The following KLC1 variants were observed in gnomAD, a reference collection of about 807,000 sequenced individuals.
KLC1 encodes the protein kinesin light chain 1.
Under a neutral mutation model 84.2 loss-of-function variants are expected in KLC1, and 30 were observed. That is an observed-to-expected ratio of 0.36 (90% CI 0.27 to 0.48). The LOEUF is 0.48. Among genes scored for constraint, KLC1 ranks in the 20% least tolerant of loss-of-function variants. The probability of loss-of-function intolerance (pLI) is 0.99; values close to 1 mark genes in which losing one functional copy is unlikely to be tolerated. For synonymous variants in KLC1, 289 were observed against 293.3 expected (o/e 0.99, Z 0.15); for missense variants, 499 against 805.4 (o/e 0.62, Z 4.60).
intron 15 of KLC1, chr14:103,696,979 G>A (rs754781572): frequency 2.2e-5 from 22 of 985,366 alleles, no homozygotes; most frequent in Non-Finnish European, 2.7e-5. Context: ...CCAGGGGCAG[G>A]AACTGAGCCA....
intron 15 of KLC1, chr14:103,699,218 G>C (rs778626661): frequency 4.5e-6 from 7 of 1,546,096 alleles, no homozygotes; most frequent in Middle Eastern, 1.7e-4. Flanking sequence ...AACGGCTGAG[G>C]GTCTTCTCGA....
In KLC1 at chr14:103,693,695, G is replaced by A. The variant is rs536356021; in HGVS notation, c.1848+1270G>A. On this transcript the variant is annotated intron_variant, in intron 15 of 16. Transcript: ENST00000334553. The surrounding 1 kb of genome is among the most constrained non-coding windows in gnomAD (Gnocchi z 5.1). The stretch of plus-strand genomic sequence containing the variant: ...TGCCACGCCCCTCACCGCCCTGCCC[G>A]GAGGCGCCAGCCGCACTCCTTGGCT... 8.3e-5 allele frequency: 125 copies of A among 1,508,986 alleles called. No individual in the cohort carries two copies. The African/African-American group carries it at 1.5e-3, about 18-fold the overall frequency. 93.5% of individuals were successfully genotyped at this position (1,508,986 alleles called of 1,614,324 possible). A position where few individuals can be genotyped will look rare whatever the true frequency, so the allele number is the denominator to read the frequency against.
At chr14:103,648,947 G>T (rs1469460779) in intron 1 of KLC1, among the ~76,000 whole-genome samples, 1 of 152,128 alleles carries the variant, frequency 6.6e-6, no homozygotes, top group Non-Finnish European at 1.5e-5. Flanking sequence ...GACCAGCCTG[G>T]GCAACATGGC....
intron 15 of KLC1, chr14:103,697,227 C>A: frequency 1.8e-6 from 1 of 569,306 alleles, no homozygotes; most frequent in Non-Finnish European, 2.2e-6. Flanking sequence ...ATGTTCATGC[C>A]AGTGATTCTT....
At chr14:103,697,390 G>A (rs1020283269) in intron 15 of KLC1, among the ~76,000 whole-genome samples, 4 of 151,854 alleles carry the variant, frequency 2.6e-5, no homozygotes, top group Admixed American at 2.6e-4. Context: ...TCCCACTGTA[G>A]GAGCACCCAC....
intron 13 of KLC1, 88 bp downstream of exon 13, chr14:103,679,633 C>T: frequency 6.4e-6 from 6 of 940,354 alleles, no homozygotes; most frequent in Non-Finnish European, 9.9e-6. Flanking sequence ...TGTGCTAGAC[C>T]TTCTGCTTTT....
At position 103,687,168 on chromosome 14, in the gene KLC1, C is replaced by T; in HGVS notation, c.1738C>T (p.Leu580=). 1 of 1,548,948 alleles carries T rather than the reference C, an allele frequency of 6.5e-7. No homozygotes were observed. The highest frequency in any genetic ancestry group is 8.7e-7 in the Non-Finnish European group (1 of 1,145,100). ...CAGCAGTGAGAAGCTGGTTAGGAAG[C>T]TGAAGGGAGGAAGTTCACGAGAGAG... is the stretch of plus-strand genomic sequence containing the variant. ...RRSSEKLVRK[L]KGGSSRESEP... is the part of the protein sequence containing the mutation. Residue 580 remains leucine (L), a synonymous_variant, in exon 14 of 17, where the codon CTG becomes TTG. Coordinates refer to ENST00000334553, the MANE Select transcript of KLC1 (RefSeq NM_001394837.1).
chr14:103,644,333 C>T (rs2077731083), intron 1 of KLC1, among the ~76,000 whole-genome samples: 1 of 150,450 alleles, frequency 6.6e-6, no homozygotes, highest in Non-Finnish European at 1.5e-5. Context: ...GATCTCGGCT[C>T]ACTGCAACCT....
At chr14:103,677,008 G>A (rs781358499) in intron 11 of KLC1, among the ~76,000 whole-genome samples, 3 of 152,190 alleles carry the variant, frequency 2.0e-5, no homozygotes, top group Non-Finnish European at 4.4e-5. Flanking sequence ...TACTTGAGGG[G>A]AGACGGCAGC....
intron 1 of KLC1, among the ~76,000 whole-genome samples, chr14:103,645,554 C>T (rs887543671): frequency 6.6e-6 from 1 of 152,082 alleles, no homozygotes; most frequent in African/African-American, 2.4e-5. Flanking sequence ...TAAGTGATTT[C>T]GTTGTGGGGG....
intron 13 of KLC1, among the ~76,000 whole-genome samples, chr14:103,684,425 A>T (rs962650481): frequency 2.0e-5 from 3 of 152,222 alleles, no homozygotes; most frequent in Non-Finnish European, 2.9e-5. Flanking sequence ...CCTGAAGTCC[A>T]GTTGAATGGA....
At chr14:103,642,677 A>G (rs992484328) in intron 1 of KLC1, among the ~76,000 whole-genome samples, 1 of 152,168 alleles carries the variant, frequency 6.6e-6, no homozygotes, top group Non-Finnish European at 1.5e-5. Flanking sequence ...AACATGAAGA[A>G]GGGACACAGG....
intron 14 of KLC1, chr14:103,687,991 A>C (rs2081887745): frequency 6.6e-6 from 1 of 152,224 alleles, no homozygotes; most frequent in South Asian, 2.1e-4. Context: ...CCGACTTTTT[A>C]GAGACTGATT....
intron 5 of KLC1, among the ~76,000 whole-genome samples, chr14:103,664,523 G>T (rs2079579028): frequency 1.3e-5 from 2 of 151,950 alleles, no homozygotes; most frequent in Non-Finnish European, 1.5e-5. Context: ...ATTAGATTGA[G>T]ACATTTCATT....
intron 12 of KLC1, among the ~76,000 whole-genome samples, chr14:103,679,147 A>C (rs2081156441): frequency 6.6e-6 from 1 of 152,104 alleles, no homozygotes; most frequent in African/African-American, 2.4e-5. Context: ...GAATAGTTGA[A>C]CACGGGTACA....
At chr14:103,645,699 ATATT>A (rs2077863444) in intron 1 of KLC1, among the ~76,000 whole-genome samples, 1 of 152,084 alleles carries the variant, frequency 6.6e-6, no homozygotes, top group Admixed American at 6.6e-5. Flanking sequence ...ACAGTGGTAA[ATATT>A]TGTGCAACTA....
Position 103,654,632 on chromosome 14 carries a change from A to G in KLC1, c.68A>G (p.Glu23Gly), listed in dbSNP as rs781078390. 6.2e-7 allele frequency: 1 copy of G among 1,614,170 alleles called. No individual in the cohort carries two copies. Among genetic ancestry groups the G allele is most frequent in the Non-Finnish European group, 8.5e-7 (1 of 1,179,980 alleles). Reference protein sequence around the residue: ...EDKLEKLTQDEIISKTKQVIQ... With the variant: ...EDKLEKLTQDGIISKTKQVIQ... ...AAGTTGGAGAAGCTTACACAGGATG[A>G]AATTATTTCTAAGACAAAGCAAGTA... is the stretch of plus-strand genomic sequence containing the variant. Residue 23 changes from glutamate to glycine, a missense_variant, in exon 2 of 17, where the codon GAA (glutamate) becomes GGA (glycine). Around this residue, in one of 3 missense-constraint regions of KLC1, gnomAD observed 179 missense variants for 264.2 expected, o/e 0.68. Coordinates refer to ENST00000334553, the MANE Select transcript of KLC1 (RefSeq NM_001394837.1).
chr14:103,679,547 T>C lies in KLC1; in HGVS notation c.1650+2T>C. On this transcript the variant is annotated splice_donor_variant, in intron 13 of 16. Coordinates refer to ENST00000334553, the MANE Select transcript of KLC1 (RefSeq NM_001394837.1). LOFTEE classifies it high-confidence loss of function. Reference sequence around the variant, plus strand: ...AGTATGAGCGTAGAGTGGAACGGGGTAAGTACAGTACACAGCGGGCACGTG... The same window carrying C: ...AGTATGAGCGTAGAGTGGAACGGGGCAAGTACAGTACACAGCGGGCACGTG... 1 of 1,612,066 alleles carries C rather than the reference T, an allele frequency of 6.2e-7. No individual in the cohort carries two copies. Among genetic ancestry groups the C allele is most frequent in the Non-Finnish European group, 8.5e-7 (1 of 1,178,326 alleles).
chr14:103,674,225 C>T (rs767622440), intron 9 of KLC1, among the ~76,000 whole-genome samples: 3 of 152,078 alleles, frequency 2.0e-5, no homozygotes, highest in South Asian at 2.1e-4. Context: ...CCATACCGTC[C>T]ATATCATCAT....
Sources: gnomAD v4.1 joint callset for allele counts (sites outside exome capture counted in the v4.1 genomes callset) on GRCh38, gnomAD v4.1.1 for gene constraint, gnomAD v4.1.1 regional missense constraint, Gnocchi (gnomAD v3.1) non-coding constraint, MANE v1.5 for transcripts, NCBI Gene and HGNC (gene_info 2026-07-23, HGNC 2026-07-21) for gene names.